TENM4: variants seen among roughly 807,000 people sequenced by gnomAD.
The protein encoded by TENM4 is teneurin transmembrane protein 4.
Under a neutral mutation model 243.3 loss-of-function variants are expected in TENM4, and 82 were observed. That is an observed-to-expected ratio of 0.34 (90% CI 0.28 to 0.40). The LOEUF (loss-of-function observed/expected upper bound fraction) is 0.40. TENM4 is among the 10% of genes least tolerant of loss of function. The pLI is 1.00. For synonymous variants in TENM4, 1,412 were observed against 1,456.3 expected, an observed-to-expected ratio of 0.97 and a Z score of 0.69; for missense variants, 3,138 against 3,673.3, an observed-to-expected ratio of 0.85 and a Z score of 3.77.
chr11:78,728,708 C>G (rs1227778836), intron 22 of TENM4, among the ~76,000 whole-genome samples: 1 of 152,152 alleles, frequency 6.6e-6, no homozygotes, highest in Non-Finnish European at 1.5e-5. Context: ...TGGATGGTTA[C>G]TCTTAAGTGC....
chr11:78,915,962 T>C (rs1168579187), intron 6 of TENM4, among the ~76,000 whole-genome samples: 4 of 152,180 alleles, frequency 2.6e-5, no homozygotes, highest in Admixed American at 2.6e-4. Flanking sequence ...CAGAGCAGTA[T>C]TGCATGGTGG....
At chr11:79,113,432 C>CAG (rs1022428849) in intron 4 of TENM4, among the ~76,000 whole-genome samples, 1 of 122,302 alleles carries the variant, frequency 8.2e-6, no homozygotes, top group Admixed American at 8.1e-5. Flanking sequence ...GTGTGTGTGA[C>CAG]AGAGAGAGAG....
chr11:79,414,527 G>A (rs1428158645), intron 1 of TENM4, among the ~76,000 whole-genome samples: 1 of 152,148 alleles, frequency 6.6e-6, no homozygotes, highest in Admixed American at 6.5e-5. Flanking sequence ...ACTCAAACTC[G>A]AGAAGGGTAT....
intron 1 of TENM4, among the ~76,000 whole-genome samples, chr11:79,390,362 C>T (rs1392078483): frequency 6.6e-6 from 1 of 152,250 alleles, no homozygotes; most frequent in African/African-American, 2.4e-5. Context: ...TTCTGCTCTT[C>T]TTCCAAAAGA....
At chr11:78,900,351 G>A (rs1345551059) in intron 7 of TENM4, among the ~76,000 whole-genome samples, 2 of 152,144 alleles carry the variant, frequency 1.3e-5, no homozygotes, top group African/African-American at 4.8e-5. Context: ...TCCTAAAACC[G>A]GTGCTTCAAA....
At chr11:79,240,042 A>G (rs939009598) in intron 2 of TENM4, among the ~76,000 whole-genome samples, 1 of 152,174 alleles carries the variant, frequency 6.6e-6, no homozygotes, top group East Asian at 1.9e-4. Flanking sequence ...TATGGTGGTA[A>G]AGTGCTCTAG....
At chr11:78,871,146 G>C (rs1471637473) in intron 9 of TENM4, among the ~76,000 whole-genome samples, 1 of 152,194 alleles carries the variant, frequency 6.6e-6, no homozygotes, top group Non-Finnish European at 1.5e-5. Context: ...TCTGGAGCCA[G>C]AGAGACCTGT....
intron 12 of TENM4, among the ~76,000 whole-genome samples, chr11:78,846,697 T>C (rs1858401447): frequency 6.9e-6 from 1 of 144,036 alleles, no homozygotes; most frequent in South Asian, 2.3e-4. Context: ...CCTAACTTAC[T>C]AGCCCATGAG....
intron 16 of TENM4, among the ~76,000 whole-genome samples, chr11:78,784,326 A>G (rs1241370445): frequency 1.3e-5 from 2 of 152,226 alleles, no homozygotes; most frequent in African/African-American, 4.8e-5. Flanking sequence ...TTTCAACAAG[A>G]AAAGGATGGG....
At chr11:79,265,392 G>A (rs571151211) in intron 2 of TENM4, among the ~76,000 whole-genome samples, 25 of 152,182 alleles carry the variant, frequency 1.6e-4, no homozygotes, top group African/African-American at 4.1e-4. Context: ...CTTGAAACGC[G>A]GCTCATCCAA....
intron 1 of TENM4, among the ~76,000 whole-genome samples, chr11:79,367,803 A>G (rs1857705114): frequency 6.6e-6 from 1 of 152,234 alleles, no homozygotes; most frequent in Non-Finnish European, 1.5e-5. Context: ...ACCAAAAAAC[A>G]CAACTTCTTC....
chr11:79,075,433 G>A (rs999230724), intron 4 of TENM4, among the ~76,000 whole-genome samples: 1 of 152,220 alleles, frequency 6.6e-6, no homozygotes, highest in African/African-American at 2.4e-5. Flanking sequence ...ACTCCAAGAG[G>A]CTGAGTTTGT....
chr11:78,794,841 C>T (rs1414813061), intron 15 of TENM4, among the ~76,000 whole-genome samples: 1 of 152,106 alleles, frequency 6.6e-6, no homozygotes, highest in Admixed American at 6.5e-5. Flanking sequence ...GAGGAGCAGG[C>T]TTTATGGTTA....
chr11:79,063,155 G>C (rs900056173), intron 6 of TENM4, among the ~76,000 whole-genome samples: 1 of 152,148 alleles, frequency 6.6e-6, no homozygotes, highest in African/African-American at 2.4e-5. Context: ...ATGGGACTCT[G>C]GACCCTAAGG....
rs918743082 is a variant in TENM4, at chr11:79,440,149, G to T, written c.-321+360C>A. On this transcript the variant is annotated intron_variant, in intron 1 of 33. Transcript: ENST00000278550. The surrounding 1 kb of genome is among the most constrained non-coding windows in gnomAD (Gnocchi z 4.7). The stretch of plus-strand genomic sequence containing the variant: ...GTCTGCAGAGGGGCTGCAGGCGACC[G>T]GGCCGGGGCGGGGAACGGGATCCGG... Among the ~76,000 whole-genome samples, 1 of 152,050 alleles carries T rather than the reference G, an allele frequency of 6.6e-6. No individual in the cohort carries two copies. Among genetic ancestry groups the T allele is most frequent in the African/African-American group, 2.4e-5 (1 of 41,424 alleles).
chr11:78,852,964 G>A (rs1208051795), intron 12 of TENM4, among the ~76,000 whole-genome samples: 1 of 152,020 alleles, frequency 6.6e-6, no homozygotes, highest in African/African-American at 2.4e-5. Context: ...ATGTTGCCCA[G>A]GCAGGTCTTG....
chr11:78,775,622 C>T (rs904452652), intron 17 of TENM4, among the ~76,000 whole-genome samples: 1 of 152,174 alleles, frequency 6.6e-6, no homozygotes, highest in African/African-American at 2.4e-5. Flanking sequence ...GAGGAAGGCT[C>T]TTCCAGGATG....
intron 4 of TENM4, among the ~76,000 whole-genome samples, chr11:79,082,301 C>T (rs868629761): frequency 1.4e-4 from 21 of 152,130 alleles, no homozygotes; most frequent in African/African-American, 4.6e-4. Flanking sequence ...TCCACTCCCT[C>T]GGCCCCACAC....
chr11:78,954,216 C>T (rs1212026417), intron 6 of TENM4, among the ~76,000 whole-genome samples: 1 of 152,130 alleles, frequency 6.6e-6, no homozygotes, highest in Non-Finnish European at 1.5e-5. Context: ...AGGGGGCTGC[C>T]TGGGGAAGGG....
Sources: gnomAD v4.1 joint callset for allele counts (sites outside exome capture counted in the v4.1 genomes callset) on GRCh38, gnomAD v4.1.1 for gene constraint, Gnocchi (gnomAD v3.1) non-coding constraint, MANE v1.5 for transcripts, NCBI Gene and HGNC (gene_info 2026-07-23, HGNC 2026-07-21) for gene names.